The following PIEZO2 variants were observed in gnomAD, a reference collection of about 807,000 sequenced individuals.
The protein encoded by PIEZO2 is piezo type mechanosensitive ion channel component 2.
A neutral mutation model predicts 337.3 loss-of-function variants in PIEZO2; 172 were observed. The ratio of observed to expected loss-of-function variants is 0.51; its 90% CI spans 0.45 to 0.58. PIEZO2 has a LOEUF of 0.58. Ranked by LOEUF, PIEZO2 falls within the 20% of genes least tolerant of loss-of-function variation. The pLI is 0.00. For missense variants in PIEZO2, 3,028 were observed against 3,391.3 expected, an observed-to-expected ratio of 0.89 and a Z score of 2.66; for synonymous variants, 1,251 against 1,228.5, an observed-to-expected ratio of 1.02 and a Z score of -0.38.
chr18:11,106,258 T>C (rs1356879315), intron 1 of PIEZO2, among the ~76,000 whole-genome samples: 1 of 149,712 alleles, frequency 6.7e-6, no homozygotes, highest in Non-Finnish European at 1.5e-5. Flanking sequence ...AGCTAATTTT[T>C]TGTATTTTTT....
intron 33 of PIEZO2, among the ~76,000 whole-genome samples, chr18:10,737,410 C>T (rs769766727): frequency 2.0e-4 from 31 of 152,172 alleles, no homozygotes; most frequent in Non-Finnish European, 7.3e-5. Context: ...AACAACAGCG[C>T]TCTGGCTGCT....
chr18:11,060,788 C>A (rs1451051317), intron 2 of PIEZO2, among the ~76,000 whole-genome samples: 1 of 152,116 alleles, frequency 6.6e-6, no homozygotes, highest in African/African-American at 2.4e-5. Context: ...CAGAAAAAGT[C>A]CAGGACCAGA....
chr18:11,117,404 TTG>T (rs2039922112), intron 1 of PIEZO2, among the ~76,000 whole-genome samples: 2 of 152,174 alleles, frequency 1.3e-5, no homozygotes, highest in South Asian at 2.1e-4. Context: ...ATTCTAGCCT[TTG>T]GGACCCTCAA....
intron 28 of PIEZO2, among the ~76,000 whole-genome samples, chr18:10,751,316 C>T (rs2037635776): frequency 6.6e-6 from 1 of 152,158 alleles, no homozygotes; most frequent in Admixed American, 6.5e-5. Context: ...CCATACATTT[C>T]CCAAGCATGG....
At chr18:10,691,676 A>C (rs888748573) in intron 47 of PIEZO2, among the ~76,000 whole-genome samples, 3 of 151,078 alleles carry the variant, frequency 2.0e-5, no homozygotes, top group Non-Finnish European at 4.4e-5. Context: ...TTTTCTCACT[A>C]TGTAGATGAT....
At chr18:10,845,092 T>C (rs1345482372) in intron 7 of PIEZO2, among the ~76,000 whole-genome samples, 1 of 152,138 alleles carries the variant, frequency 6.6e-6, no homozygotes, top group Non-Finnish European at 1.5e-5. Context: ...TACCTCTTTA[T>C]AGTTCTTAAT....
At chr18:10,765,870 A>G (rs1376646357) in intron 21 of PIEZO2, among the ~76,000 whole-genome samples, 1 of 152,052 alleles carries the variant, frequency 6.6e-6, no homozygotes, top group East Asian at 1.9e-4. Flanking sequence ...TGAGACAGGA[A>G]GGGCCTGATG....
intron 7 of PIEZO2, among the ~76,000 whole-genome samples, chr18:10,829,487 A>G (rs900056484): frequency 6.6e-6 from 1 of 152,226 alleles, no homozygotes; most frequent in African/African-American, 2.4e-5. Context: ...AAAGCATCCA[A>G]TTTGGAAAGG....
At chr18:10,796,226 C>T (rs1358210264) in intron 12 of PIEZO2, among the ~76,000 whole-genome samples, 1 of 151,878 alleles carries the variant, frequency 6.6e-6, no homozygotes, top group Non-Finnish European at 1.5e-5. Context: ...AAAAATTAGC[C>T]GGGCGTGGTG....
At chr18:10,901,150 G>T (rs140500339) in intron 4 of PIEZO2, among the ~76,000 whole-genome samples, 93 of 152,298 alleles carry the variant, frequency 6.1e-4, no homozygotes, top group Non-Finnish European at 1.1e-3. Context: ...GTGGGCTGAG[G>T]AAGAATCCAT....
In PIEZO2 at chr18:10,801,091, A is replaced by G. The variant is rs117450404; in HGVS notation, c.1239+299T>C. Reference sequence around the variant, plus strand: ...TTTGAGATAAACATAACACCCACCAATACACAGGTGTATGTGCGCCCATGG... The same window carrying G: ...TTTGAGATAAACATAACACCCACCAGTACACAGGTGTATGTGCGCCCATGG... On this transcript the variant is annotated intron_variant, in intron 10 of 55. Transcript: ENST00000674853. Among the ~76,000 whole-genome samples the G allele has an allele frequency of 0.045, 6,920 of 152,282 alleles. 247 individuals are homozygous for G. Among genetic ancestry groups the G allele is most frequent in the Non-Finnish European group, 0.066 (4,493 of 68,008 alleles).
intron 3 of PIEZO2, among the ~76,000 whole-genome samples, chr18:10,915,399 C>T (rs892342793): frequency 2.0e-5 from 3 of 150,634 alleles, no homozygotes; most frequent in African/African-American, 7.3e-5. Context: ...CATTTTAAGT[C>T]GGGGCTCTGA....
Position 11,134,219 on chromosome 18 carries a change from T to A in PIEZO2, c.64+14306A>T, listed in dbSNP as rs969813782. Among the ~76,000 whole-genome samples the A allele has an allele frequency of 3.3e-5, 5 of 152,344 alleles. No individual in the cohort carries two copies. In the East Asian group the frequency reaches 9.6e-4, roughly 29 times the overall value. ...GCGAGGATGCAGGATGCTGTGTGAC[T>A]TACTTTAACTCCCTTGTTGGTTTTC... On this transcript the variant is annotated intron_variant, in intron 1 of 55. Transcript: ENST00000674853.
At chr18:10,684,155 C>CTTTTTTTTTTTT (rs71169941) in intron 49 of PIEZO2, among the ~76,000 whole-genome samples, 1 of 61,396 alleles carries the variant, frequency 1.6e-5, no homozygotes, top group African/African-American at 6.6e-5. Context: ...TGTCTTTCCT[C>CTTTTTTTTTTTT]TTTTTTTTTT....
chr18:10,898,217 C>T (rs777412312), intron 4 of PIEZO2, among the ~76,000 whole-genome samples: 55 of 152,090 alleles, frequency 3.6e-4, no homozygotes, highest in Admixed American at 1.2e-3. Flanking sequence ...TATATGAGAT[C>T]GAGACCATCC....
intron 16 of PIEZO2, 46 bp from the exon 17 acceptor site, chr18:10,785,003 T>A: frequency 6.0e-6 from 9 of 1,498,244 alleles, no homozygotes; most frequent in Non-Finnish European, 8.0e-6. Flanking sequence ...TCTTACGCAA[T>A]GAAGTCACAA....
intron 2 of PIEZO2, among the ~76,000 whole-genome samples, chr18:11,018,389 G>A (rs1268610829): frequency 1.1e-5 from 1 of 89,634 alleles, no homozygotes; most frequent in African/African-American, 4.9e-5. Flanking sequence ...TGTCGTGTGT[G>A]TGTGTGTGTG....
rs2034433613 is a variant in PIEZO2 at position 10,976,126 on chromosome 18, A to G, written c.286+3409T>C. On this transcript the variant is annotated intron_variant, in intron 3 of 55. Coordinates refer to ENST00000674853, the MANE Select transcript of PIEZO2 (RefSeq NM_001378183.1). Reference sequence around the variant, plus strand: ...AAAAGTCAGTGTTTCCATTACCCACACTAACAGTATTTTCAGTTTATATAA... The same window carrying G: ...AAAAGTCAGTGTTTCCATTACCCACGCTAACAGTATTTTCAGTTTATATAA... Among the ~76,000 whole-genome samples the G allele has an allele frequency of 2.0e-5, 3 of 152,306 alleles. 1 individual carries two copies. The highest frequency in any genetic ancestry group is 6.8e-3 in the Middle Eastern group (2 of 294).
chr18:10,742,527 C>T lies in PIEZO2; in HGVS notation c.4603G>A (p.Asp1535Asn). Reference protein sequence around the residue: ...SLTQEPGEGQDMQKLSEEDDE... With the variant: ...SLTQEPGEGQNMQKLSEEDDE... ...TCCTCTTCAGAGAGTTTTTGCATGT[C>T]CTGGCCTTCCCCTGGCTCCTGGGTC... The change falls in exon 32 of 56, where the codon GAC becomes AAC. Residue 1535 changes from aspartate (D) to asparagine (N), a missense_variant. Physicochemically the swap from Asp to Asn is conservative, Grantham distance 23 (BLOSUM62 1). Around this residue, in one of 5 missense-constraint regions of PIEZO2, gnomAD observed 1,925 missense variants for 2,051.9 expected, o/e 0.94. Coordinates refer to ENST00000674853, the MANE Select transcript of PIEZO2 (RefSeq NM_001378183.1). The T allele has an allele frequency of 6.5e-7, 1 of 1,537,128 alleles. No homozygotes were observed. The highest frequency in any genetic ancestry group is 8.7e-7 in the Non-Finnish European group (1 of 1,146,890).
Sources: gnomAD v4.1 joint callset for allele counts (sites outside exome capture counted in the v4.1 genomes callset) on GRCh38, gnomAD v4.1.1 for gene constraint, gnomAD v4.1.1 regional missense constraint, MANE v1.5 for transcripts, NCBI Gene and HGNC (gene_info 2026-07-23, HGNC 2026-07-21) for gene names.